Variants in LIMD1 observed in about 807,000 individuals in gnomAD.
The protein encoded by LIMD1 is LIM domain containing 1, also known as LIM domain-containing protein 1.
LIMD1 carries 23 observed loss-of-function variants against 58.4 expected under a neutral mutation model. That is an observed-to-expected ratio of 0.39 (90% CI 0.28 to 0.56). LIMD1 has a LOEUF of 0.56. Among genes scored for constraint, LIMD1 ranks in the 20% least tolerant of loss-of-function variants. The probability of loss-of-function intolerance (pLI) is 0.57; values close to 1 mark genes in which losing one functional copy is unlikely to be tolerated. For missense variants in LIMD1, 838 were observed against 855.5 expected, an observed-to-expected ratio of 0.98 and a Z score of 0.25; for synonymous variants, 334 against 345.5, an observed-to-expected ratio of 0.97 and a Z score of 0.37.
intron 4 of LIMD1, among the ~76,000 whole-genome samples, chr3:45,670,103 A>G (rs1697570720): frequency 6.6e-6 from 1 of 152,112 alleles, no homozygotes; most frequent in Non-Finnish European, 1.5e-5. Context: ...TCGCAGTGGG[A>G]GGTAGGCAGA....
chr3:45,605,778 G>A (rs1701462662), intron 1 of LIMD1, among the ~76,000 whole-genome samples: 1 of 152,232 alleles, frequency 6.6e-6, no homozygotes, highest in Admixed American at 6.5e-5. Context: ...GGGCAGCTGG[G>A]AGCTCTGGTT....
chr3:45,639,672 C>A (rs544180576), intron 2 of LIMD1, among the ~76,000 whole-genome samples: 2 of 151,586 alleles, frequency 1.3e-5, no homozygotes, highest in Non-Finnish European at 3.0e-5. Flanking sequence ...GATTTTTTTT[C>A]TTTTTTTGAG....
At chr3:45,652,931 G>A (rs560258140) in intron 2 of LIMD1, among the ~76,000 whole-genome samples, 3 of 152,194 alleles carry the variant, frequency 2.0e-5, no homozygotes, top group Non-Finnish European at 1.5e-5. Flanking sequence ...GGAGTGGCAC[G>A]TGAGAAGAGA....
Position 45,595,039 on chromosome 3 carries a change from A to G in LIMD1, c.160A>G (p.Lys54Glu), listed in dbSNP as rs368702247. ...CAGGGTGTTCGCCACCAAGATGGCC[A>G]AAATCCACCTCCAGCAGCAGCAGCA... ...TRRVFATKMA[K>E]IHLQQQQQQL... The change falls in exon 1 of 8, where the codon AAA becomes GAA. Residue 54 changes from lysine to glutamate, a missense_variant. Transcript: ENST00000273317. 2.2e-5 allele frequency: 35 copies of G among 1,613,824 alleles called. No individual in the cohort carries two copies. The highest frequency in any genetic ancestry group is 3.0e-5 in the Non-Finnish European group (35 of 1,180,032).
chr3:45,672,312 C>T lies in LIMD1; in HGVS notation c.1642-378C>T, dbSNP rs533581988. The stretch of plus-strand genomic sequence containing the variant: ...ATCCTTCTGTGGCCCTGCTTTGCAT[C>T]GTTTCCCACTTCTTCGTGGTGGATT... On this transcript the variant is annotated intron_variant, in intron 4 of 7. Coordinates refer to ENST00000273317, the MANE Select transcript of LIMD1 (RefSeq NM_014240.3). 5.3e-5 allele frequency among the ~76,000 whole-genome samples: 8 copies of T among 152,270 alleles called. No individual in the cohort carries two copies. The East Asian group carries it at 5.8e-4, about 11-fold the overall frequency.
chr3:45,665,234 CT>C (rs1394394456), intron 2 of LIMD1, among the ~76,000 whole-genome samples: 1 of 151,882 alleles, frequency 6.6e-6, no homozygotes, highest in Non-Finnish European at 1.5e-5. Flanking sequence ...CACAATGGTC[CT>C]GGAGCATATG....
chr3:45,644,411 T>C (rs922259699), intron 2 of LIMD1, among the ~76,000 whole-genome samples: 2 of 152,226 alleles, frequency 1.3e-5, no homozygotes, highest in Non-Finnish European at 2.9e-5. Flanking sequence ...GGTCTTCCTT[T>C]AATTCATGCA....
At chr3:45,672,488 G>T (rs143951743) in intron 4 of LIMD1, among the ~76,000 whole-genome samples, 1 of 152,154 alleles carries the variant, frequency 6.6e-6, no homozygotes, top group African/African-American at 2.4e-5. Context: ...AAGGATTCCT[G>T]TGTGGTCTCT....
chr3:45,618,939 G>C (rs1409452167), intron 1 of LIMD1, among the ~76,000 whole-genome samples: 1 of 152,158 alleles, frequency 6.6e-6, no homozygotes, highest in African/African-American at 2.4e-5. Context: ...TTCCTGATCT[G>C]CTTGCTGTTT....
Position 45,594,808 on chromosome 3 carries a change from C to CACACACACACACACGGCACCTGG in LIMD1, c.-58_-57insGGCACCTGGACACACACACACAC. 1.5e-6 allele frequency: 1 copy of CACACACACACACACGGCACCTGG among 652,470 alleles called. No individual in the cohort carries two copies. Among genetic ancestry groups the CACACACACACACACGGCACCTGG allele is most frequent in the African/African-American group, 1.8e-5 (1 of 54,690 alleles). 40.4% of individuals were successfully genotyped at this position (652,470 alleles called of 1,614,324 possible). A position where few individuals can be genotyped will look rare whatever the true frequency, so the allele number is the denominator to read the frequency against. On this transcript the variant is annotated 5_prime_UTR_variant, in exon 1 of 8. Transcript: ENST00000273317. Reference sequence around the variant, plus strand: ...ACACACACACACACACACACACACACACACACACACACACACACACACACA... The same window carrying CACACACACACACACGGCACCTGG: ...ACACACACACACACACACACACACACACACACACACACACGGCACCTGGACACACACACACACACACACACACA...
In LIMD1 at chr3:45,677,314, G is replaced by A. The variant is rs1697684893; in HGVS notation, c.*255G>A. 9.3e-6 allele frequency: 4 copies of A among 430,080 alleles called. No homozygotes were observed. The East Asian group carries it at 1.3e-4, about 14-fold the overall frequency. The allele number at this position is 430,080 out of a possible 1,614,324, so 26.6% of individuals were successfully genotyped here. On this transcript the variant is annotated 3_prime_UTR_variant, in exon 8 of 8. Coordinates refer to ENST00000273317, the MANE Select transcript of LIMD1 (RefSeq NM_014240.3). The stretch of plus-strand genomic sequence containing the variant: ...CTCAGGAAAATGCTCCAGCATGTGC[G>A]AGCACATGACCTGAGGTTGCATCAT...
intron 1 of LIMD1, among the ~76,000 whole-genome samples, chr3:45,627,393 A>G (rs1378028873): frequency 6.6e-6 from 1 of 152,226 alleles, no homozygotes; most frequent in East Asian, 1.9e-4. Context: ...TTTGAACTTC[A>G]GTTTCTTCAT....
chr3:45,649,985 A>T (rs1260718023), intron 2 of LIMD1, among the ~76,000 whole-genome samples: 1 of 147,954 alleles, frequency 6.8e-6, no homozygotes, highest in Non-Finnish European at 1.5e-5. Context: ...AAATTTGATT[A>T]TGATATCCTT....
chr3:45,596,947 C>T (rs1158393140), intron 1 of LIMD1, among the ~76,000 whole-genome samples: 4 of 151,410 alleles, frequency 2.6e-5, no homozygotes, highest in South Asian at 2.1e-4. Flanking sequence ...CTGCAACCTC[C>T]GCCTCCCGGG....
intron 1 of LIMD1, among the ~76,000 whole-genome samples, chr3:45,605,387 T>C (rs2254828): frequency 0.56 from 84,876 of 152,226 alleles, 24,939 homozygotes; most frequent in East Asian, 0.95. Context: ...GTGGTAATCA[T>C]TTTTACTTTA....
intron 1 of LIMD1, among the ~76,000 whole-genome samples, chr3:45,623,757 A>G (rs1701646613): frequency 6.6e-6 from 1 of 152,084 alleles, no homozygotes; most frequent in African/African-American, 2.4e-5. Flanking sequence ...GCCAGGTAGG[A>G]TGCAGGGTGT....
chr3:45,674,452 C>T (rs1238404275), intron 7 of LIMD1, 41 bp downstream of exon 7: 10 of 1,428,726 alleles, frequency 7.0e-6, no homozygotes, highest in Non-Finnish European at 9.7e-6. Flanking sequence ...CCATTGTAGA[C>T]ATCCAAGAGA....
intron 2 of LIMD1, among the ~76,000 whole-genome samples, chr3:45,658,636 A>G (rs1237384953): frequency 1.5e-5 from 2 of 137,134 alleles, no homozygotes; most frequent in Non-Finnish European, 3.0e-5. Flanking sequence ...GCTCACCACA[A>G]TCTCCACTCC....
At chr3:45,617,388 AG>A (rs1250960691) in intron 1 of LIMD1, among the ~76,000 whole-genome samples, 1 of 152,120 alleles carries the variant, frequency 6.6e-6, no homozygotes, top group Non-Finnish European at 1.5e-5. Flanking sequence ...TTTCTAAGAA[AG>A]GGCCCTGATG....
Sources: gnomAD v4.1 joint callset for allele counts (sites outside exome capture counted in the v4.1 genomes callset) on GRCh38, gnomAD v4.1.1 for gene constraint, MANE v1.5 for transcripts, NCBI Gene and HGNC (gene_info 2026-07-23, HGNC 2026-07-21) for gene names.